The following SIPA1L2 variants were observed in gnomAD, a reference collection of about 807,000 sequenced individuals.
SIPA1L2 encodes the protein signal-induced proliferation-associated 1-like protein 2.
Under a neutral mutation model 163.9 loss-of-function variants are expected in SIPA1L2, and 56 were observed. That is an observed-to-expected ratio of 0.34 (90% CI 0.28 to 0.43). The LOEUF (loss-of-function observed/expected upper bound fraction) is 0.43, where lower values mean the gene tolerates loss of function less well. SIPA1L2 is among the 20% of genes least tolerant of loss of function. The pLI is 1.00. For missense variants in SIPA1L2, 1,974 were observed against 2,193.5 expected, an observed-to-expected ratio of 0.90 and a Z score of 2.00; for synonymous variants, 877 against 865.7, an observed-to-expected ratio of 1.01 and a Z score of -0.23.
intron 2 of SIPA1L2, among the ~76,000 whole-genome samples, chr1:232,544,048 A>T (rs1305020195): frequency 6.6e-6 from 1 of 152,170 alleles, no homozygotes; most frequent in African/African-American, 2.4e-5. Flanking sequence ...TAATATTTTC[A>T]CAGCAAATGT....
intron 2 of SIPA1L2, among the ~76,000 whole-genome samples, chr1:232,569,688 C>T (rs543017448): frequency 9.8e-5 from 15 of 152,312 alleles, no homozygotes; most frequent in African/African-American, 3.4e-4. Flanking sequence ...TGGCGCATGC[C>T]TGTAGTCCCA....
chr1:232,435,908 G>A (rs1662533364), intron 15 of SIPA1L2, among the ~76,000 whole-genome samples: 1 of 152,090 alleles, frequency 6.6e-6, no homozygotes, highest in Non-Finnish European at 1.5e-5. Context: ...GTACAATCTT[G>A]GAATCATGCC....
Position 232,490,938 on chromosome 1 carries a change from C to T in SIPA1L2, c.1742G>A (p.Cys581Tyr), listed in dbSNP as rs1665897833. Residue 581 changes from cysteine (C) to tyrosine (Y), a missense_variant, in exon 5 of 23, where the codon TGT becomes TAT. Coordinates refer to ENST00000674635, the MANE Select transcript of SIPA1L2 (RefSeq NM_020808.5). ...GGGTGAGTTGGAAGCCTGTCGCAAACACTGAATGCTCAGCTCTGGAATGAC... is the reference window on the plus strand; with the variant it reads ...GGGTGAGTTGGAAGCCTGTCGCAAATACTGAATGCTCAGCTCTGGAATGAC... ...EYVIPELSIQ[C>Y]LRQASNSPKV... 2 of 1,614,170 alleles carry T rather than the reference C, an allele frequency of 1.2e-6. No individual in the cohort carries two copies. The highest frequency in any genetic ancestry group is 1.3e-5 in the African/African-American group (1 of 75,042).
intron 2 of SIPA1L2, among the ~76,000 whole-genome samples, chr1:232,519,659 C>T (rs1667375828): frequency 6.6e-6 from 1 of 152,192 alleles, no homozygotes; most frequent in South Asian, 2.1e-4. Flanking sequence ...GAGTTTCAGA[C>T]TGGCAAATGC....
intron 10 of SIPA1L2, among the ~76,000 whole-genome samples, chr1:232,447,528 C>A (rs1663289833): frequency 6.6e-6 from 1 of 152,244 alleles, no homozygotes; most frequent in African/African-American, 2.4e-5. Context: ...GATGCCCCGA[C>A]AGAGAATGGC....
intron 3 of SIPA1L2, among the ~76,000 whole-genome samples, chr1:232,506,472 A>G (rs1277596896): frequency 3.3e-5 from 5 of 152,198 alleles, no homozygotes; most frequent in African/African-American, 1.2e-4. Context: ...TCTATTTACC[A>G]AGAGTTGACC....
intron 2 of SIPA1L2, among the ~76,000 whole-genome samples, chr1:232,557,500 A>G (rs924976431): frequency 1.3e-5 from 2 of 152,206 alleles, no homozygotes; most frequent in African/African-American, 2.4e-5. Flanking sequence ...GACTTCAACC[A>G]GTCTTTCCAT....
chr1:232,437,671 C>T (rs943393600), intron 15 of SIPA1L2, among the ~76,000 whole-genome samples: 1 of 152,108 alleles, frequency 6.6e-6, no homozygotes, highest in Admixed American at 6.5e-5. Context: ...CTGAGGGCCC[C>T]AAGTGCCGTA....
At chr1:232,429,446 TGGG>T (rs1192511150) in intron 16 of SIPA1L2, among the ~76,000 whole-genome samples, 7 of 152,122 alleles carry the variant, frequency 4.6e-5, no homozygotes, top group Non-Finnish European at 8.8e-5. Flanking sequence ...GACAGCTCAC[TGGG>T]AAATTGCTAG....
chr1:232,596,634 G>GT (rs1283619683), intron 1 of SIPA1L2, among the ~76,000 whole-genome samples: 3 of 152,196 alleles, frequency 2.0e-5, no homozygotes, highest in Non-Finnish European at 4.4e-5. Context: ...AGGGTAAGAT[G>GT]TTTAGCTCCT....
At chr1:232,473,406 C>T (rs1664891258) in intron 7 of SIPA1L2, among the ~76,000 whole-genome samples, 1 of 152,240 alleles carries the variant, frequency 6.6e-6, no homozygotes, top group African/African-American at 2.4e-5. Flanking sequence ...TTCAGCGCCT[C>T]CTACTTCCTG....
At chr1:232,572,953 G>A (rs1050381863) in intron 2 of SIPA1L2, among the ~76,000 whole-genome samples, 2 of 151,316 alleles carry the variant, frequency 1.3e-5, no homozygotes, top group African/African-American at 4.9e-5. Context: ...TAATTTTTTT[G>A]TATTTTTAGT....
chr1:232,558,050 A>T (rs1658814039), intron 2 of SIPA1L2, among the ~76,000 whole-genome samples: 1 of 152,238 alleles, frequency 6.6e-6, no homozygotes, highest in Non-Finnish European at 1.5e-5. Context: ...TCATAGCTGC[A>T]TTGTTCAAAC....
At chr1:232,420,394 T>C (rs1265415931) in intron 18 of SIPA1L2, among the ~76,000 whole-genome samples, 1 of 152,170 alleles carries the variant, frequency 6.6e-6, no homozygotes, top group East Asian at 1.9e-4. Flanking sequence ...ACCTGTGCTT[T>C]GTGATGCCAC....
chr1:232,600,956 C>T (rs1221392814), intron 1 of SIPA1L2, among the ~76,000 whole-genome samples: 2 of 152,194 alleles, frequency 1.3e-5, no homozygotes, highest in Non-Finnish European at 2.9e-5. Context: ...GACAAAAATA[C>T]TTTCACTCTT....
At chr1:232,560,532 G>T (rs564256210) in intron 2 of SIPA1L2, among the ~76,000 whole-genome samples, 1 of 152,324 alleles carries the variant, frequency 6.6e-6, no homozygotes, top group South Asian at 2.1e-4. Context: ...GTTTCCCAGT[G>T]ATTGTTTAAT....
rs113022482 is a variant in SIPA1L2 at position 232,476,574 on chromosome 1, C to T, written c.2085+3053G>A. 9.5e-3 allele frequency among the ~76,000 whole-genome samples: 1,439 copies of T among 152,222 alleles called. 28 individuals carry two copies. Among genetic ancestry groups the T allele is most frequent in the African/African-American group, 0.033 (1,363 of 41,526 alleles). On this transcript the variant is annotated intron_variant, in intron 7 of 22. Coordinates refer to ENST00000674635, the MANE Select transcript of SIPA1L2 (RefSeq NM_020808.5). ...CAGAAGGAAAGCACACAGGGGAAGA[C>T]AGCCCTGGAAAAAGTGGATGGACTG...
At chr1:232,565,077 G>A (rs922037804) in intron 2 of SIPA1L2, among the ~76,000 whole-genome samples, 4 of 152,144 alleles carry the variant, frequency 2.6e-5, no homozygotes, top group African/African-American at 9.7e-5. Context: ...AATTGATAAT[G>A]AGTAAGTACA....
intron 11 of SIPA1L2, among the ~76,000 whole-genome samples, chr1:232,444,089 T>C (rs1026985989): frequency 2.0e-5 from 3 of 152,250 alleles, no homozygotes; most frequent in Admixed American, 2.0e-4. Flanking sequence ...TTAAAACTTA[T>C]GCAAAAAGAA....
Sources: allele counts gnomAD v4.1 joint callset (sites outside exome capture counted in the v4.1 genomes callset), GRCh38; gene constraint gnomAD v4.1.1; transcripts MANE v1.5; gene names NCBI Gene and HGNC (gene_info 2026-07-23, HGNC 2026-07-21).